CTNNA2: variants seen among roughly 807,000 people sequenced by gnomAD.
CTNNA2 encodes catenin alpha-2.
CTNNA2 carries 42 observed loss-of-function variants against 101.0 expected under a neutral mutation model. That is an observed-to-expected ratio of 0.42 (90% CI 0.32 to 0.54). The LOEUF is 0.54. Among genes scored for constraint, CTNNA2 ranks in the 20% least tolerant of loss-of-function variants. CTNNA2 has a pLI of 0.14. For synonymous variants in CTNNA2, 450 were observed against 456.4 expected (o/e 0.99, Z 0.18); for missense variants, 871 against 1,223.1 (o/e 0.71, Z 4.29).
At chr2:80,294,082 C>T (rs1279637812) in intron 7 of CTNNA2, among the ~76,000 whole-genome samples, 1 of 151,982 alleles carries the variant, frequency 6.6e-6, no homozygotes, top group Non-Finnish European at 1.5e-5. Context: ...AATGACACAA[C>T]CAATCAGAGA....
intron 1 of CTNNA2, among the ~76,000 whole-genome samples, chr2:79,562,031 C>G (rs537946246): frequency 5.3e-5 from 8 of 151,924 alleles, no homozygotes; most frequent in African/African-American, 1.9e-4. Context: ...GAAATGATTG[C>G]CTAATCCAAA....
chr2:80,438,332 G>A (rs1371680877), intron 9 of CTNNA2, among the ~76,000 whole-genome samples: 1 of 151,940 alleles, frequency 6.6e-6, no homozygotes, highest in Non-Finnish European at 1.5e-5. Flanking sequence ...ATACAATTAT[G>A]GAGTTAGGGC....
At chr2:80,445,791 A>G (rs758162195) in intron 9 of CTNNA2, among the ~76,000 whole-genome samples, 4 of 152,194 alleles carry the variant, frequency 2.6e-5, no homozygotes, top group Non-Finnish European at 4.4e-5. Flanking sequence ...TTGGGAACAA[A>G]TAATTGTGGA....
intron 7 of CTNNA2, among the ~76,000 whole-genome samples, chr2:80,341,062 A>G (rs575262290): frequency 3.9e-5 from 6 of 152,158 alleles, no homozygotes; most frequent in African/African-American, 1.4e-4. Flanking sequence ...TGAATACAGG[A>G]TCTTCTGTCT....
chr2:80,608,608 T>C (rs1698216395), intron 17 of CTNNA2: 1 of 228,822 alleles, frequency 4.4e-6, no homozygotes, highest in Non-Finnish European at 8.7e-6. Flanking sequence ...ATTGTAATTA[T>C]TTGGGGCTTT....
intron 2 of CTNNA2, among the ~76,000 whole-genome samples, chr2:79,690,357 G>A (rs999851344): frequency 6.6e-6 from 1 of 151,930 alleles, no homozygotes; most frequent in African/African-American, 2.4e-5. Flanking sequence ...CAAAAATAAA[G>A]TTGAAATAAA....
chr2:80,049,141 C>T (rs1479100492), intron 7 of CTNNA2, among the ~76,000 whole-genome samples: 1 of 152,034 alleles, frequency 6.6e-6, no homozygotes, highest in Non-Finnish European at 1.5e-5. Flanking sequence ...TAGGATGAAA[C>T]TTTGTAGTTA....
chr2:79,989,064 T>C (rs183117212), intron 7 of CTNNA2, among the ~76,000 whole-genome samples: 227 of 152,332 alleles, frequency 1.5e-3, no homozygotes, highest in African/African-American at 5.3e-3. Flanking sequence ...ACCTCGAGAA[T>C]TGCATAGTCC....
intron 7 of CTNNA2, among the ~76,000 whole-genome samples, chr2:79,932,033 G>C (rs1489845724): frequency 6.6e-6 from 1 of 152,196 alleles, no homozygotes; most frequent in Non-Finnish European, 1.5e-5. Flanking sequence ...CACACCTTCA[G>C]ATTCTTTGAT....
intron 9 of CTNNA2, among the ~76,000 whole-genome samples, chr2:80,492,759 G>A (rs1687162538): frequency 6.6e-6 from 1 of 152,118 alleles, no homozygotes; most frequent in Non-Finnish European, 1.5e-5. Flanking sequence ...TCCTCTGGCT[G>A]GAATGCTTTG....
rs77675240 is a variant in CTNNA2 at position 79,849,391 on chromosome 2, C to T, written c.299-8622C>T. On this transcript the variant is annotated intron_variant, in intron 3 of 18. Coordinates refer to ENST00000402739, the MANE Select transcript of CTNNA2 (RefSeq NM_001282597.3). ...TTTGATAACAAGACCTGAATAGTAC[C>T]AAGCACTGCTGTAACTGCTTGGTGC... is the stretch of plus-strand genomic sequence containing the variant. Among the ~76,000 whole-genome samples the T allele has an allele frequency of 4.4e-3, 673 of 151,700 alleles. 4 individuals carry two copies. Among genetic ancestry groups the T allele is most frequent in the African/African-American group, 0.014 (588 of 41,306 alleles).
chr2:79,750,002 A>G (rs918267908), intron 3 of CTNNA2, among the ~76,000 whole-genome samples: 1 of 152,210 alleles, frequency 6.6e-6, no homozygotes, highest in Admixed American at 6.5e-5. Context: ...AAGAAGATTG[A>G]GTAGCTCGGT....
intron 2 of CTNNA2, among the ~76,000 whole-genome samples, chr2:79,720,146 A>AGG (rs924564146): frequency 2.6e-5 from 4 of 152,168 alleles, no homozygotes; most frequent in African/African-American, 4.8e-5. Flanking sequence ...TTATTGAATA[A>AGG]GGGGTCCTTT....
chr2:80,274,747 T>A (rs1292943008), intron 7 of CTNNA2, among the ~76,000 whole-genome samples: 2 of 152,182 alleles, frequency 1.3e-5, no homozygotes, highest in Non-Finnish European at 2.9e-5. Context: ...TTTTTCCCAC[T>A]CTCTAGAATC....
At chr2:79,675,663 C>T (rs1683135191) in intron 2 of CTNNA2, among the ~76,000 whole-genome samples, 1 of 151,970 alleles carries the variant, frequency 6.6e-6, no homozygotes, top group Admixed American at 6.6e-5. Context: ...TTTGGGGATC[C>T]ATGGATAAAA....
intron 3 of CTNNA2, among the ~76,000 whole-genome samples, chr2:79,773,670 T>C (rs1167522043): frequency 6.6e-5 from 10 of 152,164 alleles, no homozygotes; most frequent in African/African-American, 1.9e-4. Context: ...AAGATGTTTT[T>C]CTTTCACAGT....
intron 4 of CTNNA2, among the ~76,000 whole-genome samples, chr2:79,447,934 T>TACCAAATTA (rs1352998412): frequency 1.3e-5 from 2 of 152,028 alleles, no homozygotes; most frequent in African/African-American, 4.8e-5. Flanking sequence ...TTGTAAATAA[T>TACCAAATTA]ACCAAATTAT....
intron 4 of CTNNA2, among the ~76,000 whole-genome samples, chr2:79,412,020 C>T (rs1281566151): frequency 2.0e-5 from 3 of 152,010 alleles, no homozygotes; most frequent in African/African-American, 7.2e-5. Flanking sequence ...GCAAGACACA[C>T]ATAGGCTCAA....
intron 7 of CTNNA2, among the ~76,000 whole-genome samples, chr2:79,976,432 G>A (rs1279396901): frequency 2.0e-5 from 3 of 152,078 alleles, no homozygotes; most frequent in African/African-American, 4.8e-5. Flanking sequence ...AGATGTAAAC[G>A]GATTATGTCT....
Sources: gnomAD v4.1 joint callset for allele counts (sites outside exome capture counted in the v4.1 genomes callset) on GRCh38, gnomAD v4.1.1 for gene constraint, MANE v1.5 for transcripts, NCBI Gene and HGNC (gene_info 2026-07-23, HGNC 2026-07-21) for gene names.